Variants in TAB2 observed in about 807,000 individuals in gnomAD.
TAB2 encodes the protein TGF-beta activated kinase 1 (MAP3K7) binding protein 2.
In TAB2, 3 loss-of-function variants were observed where a neutral mutation model predicts 65.0. The observed-to-expected ratio is 0.05, with a 90% CI of 0.02 to 0.12. The LOEUF is 0.12. Among genes scored for constraint, TAB2 ranks in the 10% least tolerant of loss-of-function variants. TAB2 has a pLI of 1.00. For missense variants in TAB2, 623 were observed against 840.3 expected, an observed-to-expected ratio of 0.74 and a Z score of 3.20; for synonymous variants, 298 against 285.1, an observed-to-expected ratio of 1.05 and a Z score of -0.46.
At chr6:149,264,266 A>G (rs1778215747) in intron 1 of TAB2, among the ~76,000 whole-genome samples, 1 of 152,128 alleles carries the variant, frequency 6.6e-6, no homozygotes, top group African/African-American at 2.4e-5. Context: ...CCCATTCCCT[A>G]AGGAATGTGT....
chr6:149,222,778 TGCCTGGCCATAG>T (rs1442803684), intron 1 of TAB2, among the ~76,000 whole-genome samples: 1 of 152,208 alleles, frequency 6.6e-6, no homozygotes, highest in Non-Finnish European at 1.5e-5. Flanking sequence ...TTCTTGCTGA[TGCCTGGCCATAG>T]GCAGCAGCGC....
chr6:149,394,350 G>C (rs1404613607), intron 3 of TAB2, among the ~76,000 whole-genome samples: 2 of 151,784 alleles, frequency 1.3e-5, no homozygotes, highest in African/African-American at 4.8e-5. Flanking sequence ...TTTTAAACTA[G>C]ATCCTTTAAC....
intron 1 of TAB2, among the ~76,000 whole-genome samples, chr6:149,307,918 A>G: frequency 6.6e-6 from 1 of 152,198 alleles, no homozygotes; most frequent in South Asian, 2.1e-4. Context: ...ACTTTTTTCT[A>G]TACATACCCA....
chr6:149,290,482 T>G (rs536562963), intron 1 of TAB2, among the ~76,000 whole-genome samples: 1 of 152,322 alleles, frequency 6.6e-6, no homozygotes, highest in African/African-American at 2.4e-5. Context: ...CACTAGAATG[T>G]AAACTCCACA....
chr6:149,268,979 T>C (rs907345140), intron 1 of TAB2, among the ~76,000 whole-genome samples: 2 of 152,182 alleles, frequency 1.3e-5, no homozygotes, highest in Non-Finnish European at 2.9e-5. Context: ...CAAATCTTTA[T>C]CAAAGTACAA....
At chr6:149,258,416 T>TACACACACACAC (rs56710457) in intron 1 of TAB2, among the ~76,000 whole-genome samples, 1 of 146,200 alleles carries the variant, frequency 6.8e-6, no homozygotes, top group Non-Finnish European at 1.5e-5. Context: ...CATGACTGCC[T>TACACACACACAC]ACACACACAC....
intron 1 of TAB2, among the ~76,000 whole-genome samples, chr6:149,264,325 C>T (rs1463366923): frequency 6.6e-6 from 1 of 152,268 alleles, no homozygotes; most frequent in African/African-American, 2.4e-5. Flanking sequence ...AAGACCAAGT[C>T]AAATGAGAGT....
intron 1 of TAB2, chr6:149,321,492 ACTAT>A (rs1779454356): frequency 6.6e-6 from 1 of 152,198 alleles, no homozygotes; most frequent in Non-Finnish European, 1.5e-5. Context: ...CTAAGAGGGT[ACTAT>A]CTTTTTCTAA....
At chr6:149,285,758 G>A (rs1249623518) in intron 1 of TAB2, among the ~76,000 whole-genome samples, 3 of 152,184 alleles carry the variant, frequency 2.0e-5, no homozygotes, top group Admixed American at 2.0e-4. Context: ...TGACGTGCTT[G>A]TAAATCTTAA....
intron 1 of TAB2, among the ~76,000 whole-genome samples, chr6:149,270,433 C>A (rs893799638): frequency 5.3e-5 from 8 of 151,980 alleles, no homozygotes; most frequent in Admixed American, 1.3e-4. Context: ...TTCAAGAGAT[C>A]TATTGTATAG....
upstream of TAB2, among the ~76,000 whole-genome samples, chr6:149,312,736 C>G (rs1779186488): frequency 6.6e-6 from 1 of 152,238 alleles, no homozygotes; most frequent in African/African-American, 2.4e-5. Flanking sequence ...CACAACCTCT[C>G]TACCGCTGGG....
intron 1 of TAB2, among the ~76,000 whole-genome samples, chr6:149,223,709 A>G (rs1487216791): frequency 2.0e-5 from 3 of 152,142 alleles, no homozygotes; most frequent in Non-Finnish European, 4.4e-5. Context: ...GTTAAGCTGT[A>G]TTACCATTTG....
intron 6 of TAB2, among the ~76,000 whole-genome samples, chr6:149,403,685 T>C (rs1444884617): frequency 6.6e-6 from 1 of 152,014 alleles, no homozygotes; most frequent in Non-Finnish European, 1.5e-5. Context: ...TGACATCTGC[T>C]TAGTTTCTGG....
intron 1 of TAB2, among the ~76,000 whole-genome samples, chr6:149,257,798 T>C (rs1308707649): frequency 6.6e-6 from 1 of 152,058 alleles, no homozygotes; most frequent in African/African-American, 2.4e-5. Flanking sequence ...ACTGATCTCA[T>C]AGCTCCTGGG....
At chr6:149,363,161 A>T (rs1780909422) in intron 1 of TAB2, among the ~76,000 whole-genome samples, 1 of 152,212 alleles carries the variant, frequency 6.6e-6, no homozygotes, top group African/African-American at 2.4e-5. Flanking sequence ...TTGATTACAC[A>T]AAAATTGTAA....
upstream of TAB2, among the ~76,000 whole-genome samples, chr6:149,313,409 A>G (rs1253616816): frequency 6.6e-6 from 1 of 152,074 alleles, no homozygotes; most frequent in Non-Finnish European, 1.5e-5. Flanking sequence ...TAGCTTGCTG[A>G]CCGTGCCTTC....
chr6:149,333,560 AAGTTTCTCTTC>A (rs1779844944), intron 1 of TAB2, among the ~76,000 whole-genome samples: 1 of 152,168 alleles, frequency 6.6e-6, no homozygotes, highest in African/African-American at 2.4e-5. Flanking sequence ...TGTATAGGCC[AAGTTTCTCTTC>A]AGTATTTTTA....
chr6:149,399,264 CCT>C, intron 6 of TAB2, 80 bp downstream of exon 6: 1 of 1,041,036 alleles, frequency 9.6e-7, no homozygotes, highest in Non-Finnish European at 1.5e-6. Flanking sequence ...CAGCAACCTT[CCT>C]CTCTAGAATT....
intron 1 of TAB2, among the ~76,000 whole-genome samples, chr6:149,358,666 G>GTGTGTGTGTGTGTGTGTGTGTT (rs1780749162): frequency 6.6e-6 from 1 of 151,538 alleles, no homozygotes; most frequent in East Asian, 1.9e-4. Flanking sequence ...GTGTGTGTGT[G>GTGTGTGTGTGTGTGTGTGTGTT]TGTGTGTTTT....
Sources: gnomAD v4.1 joint callset for allele counts (sites outside exome capture counted in the v4.1 genomes callset) on GRCh38, gnomAD v4.1.1 for gene constraint, MANE v1.5 for transcripts, NCBI Gene and HGNC (gene_info 2026-07-23, HGNC 2026-07-21) for gene names.